DACH2: variants seen among roughly 807,000 people sequenced by gnomAD.
DACH2 encodes dachshund homolog 2.
A neutral mutation model predicts 35.8 loss-of-function variants in DACH2; 17 were observed. The observed-to-expected ratio is 0.48, with a 90% CI of 0.33 to 0.71. The LOEUF (loss-of-function observed/expected upper bound fraction) is 0.71. Ranked by LOEUF, DACH2 falls within the 30% of genes least tolerant of loss-of-function variation. The pLI, the probability that DACH2 is intolerant of heterozygous loss-of-function variation, is 0.02. For synonymous variants in DACH2, 195 were observed against 177.3 expected (o/e 1.10, Z -0.79); for missense variants, 469 against 472.7 (o/e 0.99, Z 0.07).
At chrX:86,170,665 T>C (rs749456900) in intron 1 of DACH2, among the ~76,000 whole-genome samples, 1 of 112,536 alleles carries the variant, frequency 8.9e-6, no homozygotes, top group South Asian at 3.7e-4. Flanking sequence ...CTACTGTTGA[T>C]GTTCTCTTAA....
chrX:86,570,372 T>C (rs1429259116), intron 3 of DACH2, among the ~76,000 whole-genome samples: 1 of 111,064 alleles, frequency 9.0e-6, no homozygotes, highest in African/African-American at 3.3e-5. Flanking sequence ...ATAAAGAAAA[T>C]GTGGTACATA....
chrX:86,344,252 G>A (rs192851235), intron 1 of DACH2, among the ~76,000 whole-genome samples: 1,096 of 106,489 alleles, frequency 0.01, 21 homozygotes, highest in African/African-American at 0.034. Context: ...ATCATTGGAA[G>A]AACACTGGAA....
chrX:86,695,808 C>T (rs779959552), intron 5 of DACH2, among the ~76,000 whole-genome samples: 1 of 110,756 alleles, frequency 9.0e-6, no homozygotes, highest in South Asian at 3.8e-4. Context: ...CCACCACACC[C>T]GGCCACATGT....
intron 4 of DACH2, among the ~76,000 whole-genome samples, chrX:86,667,854 G>A (rs749559453): frequency 3.6e-5 from 4 of 111,899 alleles, no homozygotes; most frequent in African/African-American, 6.5e-5. Flanking sequence ...TTAAAGTTCT[G>A]TTTGGACTAC....
At chrX:86,476,560 T>A (rs2037846711) in intron 2 of DACH2, among the ~76,000 whole-genome samples, 1 of 111,696 alleles carries the variant, frequency 9.0e-6, no homozygotes, top group South Asian at 3.7e-4. Flanking sequence ...TTAGTTTGGT[T>A]AAAGGTTTGT....
At chrX:86,379,191 C>T (rs1002349709) in intron 2 of DACH2, among the ~76,000 whole-genome samples, 1 of 111,230 alleles carries the variant, frequency 9.0e-6, no homozygotes, top group Admixed American at 9.6e-5. Context: ...AGCAAAATTC[C>T]TTTATTTTTA....
chrX:86,186,255 C>T (rs905617176), intron 1 of DACH2, among the ~76,000 whole-genome samples: 4 of 112,651 alleles, frequency 3.6e-5, no homozygotes, highest in African/African-American at 1.3e-4. Context: ...ATATAGTACA[C>T]ATCTTGAACA....
At chrX:86,455,325 T>C (rs936823992) in intron 2 of DACH2, among the ~76,000 whole-genome samples, 2 of 111,455 alleles carry the variant, frequency 1.8e-5, no homozygotes, top group East Asian at 5.7e-4. Flanking sequence ...CTATGTTGTG[T>C]TGGGAGGATT....
intron 6 of DACH2, among the ~76,000 whole-genome samples, chrX:86,718,372 A>C (rs1287356100): frequency 9.0e-6 from 1 of 110,875 alleles, no homozygotes; most frequent in East Asian, 2.9e-4. Context: ...CTAAATTCTG[A>C]TTACTAATCC....
intron 7 of DACH2, among the ~76,000 whole-genome samples, chrX:86,768,312 T>C (rs181846927): frequency 1.2e-3 from 133 of 111,978 alleles, no homozygotes; most frequent in African/African-American, 4.1e-3. Context: ...AAGAATTTAC[T>C]GTTTTGGATT....
intron 1 of DACH2, among the ~76,000 whole-genome samples, chrX:86,243,233 GA>G (rs1228607820): frequency 6.3e-5 from 7 of 110,540 alleles, no homozygotes; most frequent in Admixed American, 2.9e-4. Context: ...AGATACATAG[GA>G]AAAAAAAGTC....
intron 6 of DACH2, among the ~76,000 whole-genome samples, chrX:86,731,148 T>A (rs1418788833): frequency 1.8e-5 from 2 of 111,363 alleles, no homozygotes; most frequent in African/African-American, 6.5e-5. Flanking sequence ...CTGTTTTCGA[T>A]TTTATTATTT....
chrX:86,320,899 G>A (rs1383111581), intron 1 of DACH2, among the ~76,000 whole-genome samples: 2 of 111,912 alleles, frequency 1.8e-5, no homozygotes, highest in Non-Finnish European at 3.8e-5. Context: ...CCCAAGTGGG[G>A]GAGGGGGTGA....
chrX:86,478,356 G>A (rs769542773), intron 2 of DACH2, among the ~76,000 whole-genome samples: 21 of 110,432 alleles, frequency 1.9e-4, no homozygotes, highest in African/African-American at 6.6e-4. Flanking sequence ...CATGTGTGAA[G>A]GATATTTTTG....
intron 3 of DACH2, among the ~76,000 whole-genome samples, chrX:86,529,991 A>G (rs759334196): frequency 1.4e-4 from 15 of 108,809 alleles, no homozygotes; most frequent in Admixed American, 3.0e-4. Flanking sequence ...ACACACACAC[A>G]CACACACACA....
At chrX:86,500,235 G>A (rs191602985) in intron 2 of DACH2, among the ~76,000 whole-genome samples, 2 of 111,190 alleles carry the variant, frequency 1.8e-5, no homozygotes, top group Non-Finnish European at 3.8e-5. Flanking sequence ...GTATGTCTTC[G>A]CCGATTAAAG....
At chrX:86,782,575 T>G (rs891997581) in intron 7 of DACH2, among the ~76,000 whole-genome samples, 1 of 111,613 alleles carries the variant, frequency 9.0e-6, no homozygotes, top group African/African-American at 3.3e-5. Flanking sequence ...CCAATGGAAC[T>G]GAATAGAAAA....
chrX:86,490,999 G>A (rs1201362377), intron 2 of DACH2, among the ~76,000 whole-genome samples: 1 of 110,846 alleles, frequency 9.0e-6, no homozygotes, highest in East Asian at 2.8e-4. Flanking sequence ...CAGATTTGGA[G>A]GATTAGAGTT....
At chrX:86,549,259 C>T (rs1320853475) in intron 3 of DACH2, among the ~76,000 whole-genome samples, 1 of 111,501 alleles carries the variant, frequency 9.0e-6, no homozygotes, top group Admixed American at 9.6e-5. Context: ...TGTATGAACT[C>T]TTTTCTCTTG....
Sources: allele counts gnomAD v4.1 joint callset (sites outside exome capture counted in the v4.1 genomes callset), GRCh38; gene constraint gnomAD v4.1.1; transcripts MANE v1.5; gene names NCBI Gene and HGNC (gene_info 2026-07-23, HGNC 2026-07-21).